The following TRPC7 variants were observed in gnomAD, a reference collection of about 807,000 sequenced individuals.
TRPC7 encodes the protein transient receptor potential cation channel subfamily C member 7.
Under a neutral mutation model 90.1 loss-of-function variants are expected in TRPC7, and 42 were observed. The observed-to-expected ratio is 0.47, with a 90% confidence interval of 0.36 to 0.60. TRPC7 has a LOEUF of 0.60. TRPC7 is among the 20% of genes least tolerant of loss of function. The pLI is 0.00. For missense variants in TRPC7, 955 were observed against 1,112.3 expected (o/e 0.86, Z 2.01); for synonymous variants, 451 against 436.3 (o/e 1.03, Z -0.42).
intron 2 of TRPC7, among the ~76,000 whole-genome samples, chr5:136,326,345 C>T (rs779792200): frequency 1.3e-5 from 2 of 152,190 alleles, no homozygotes; most frequent in Non-Finnish European, 2.9e-5. Flanking sequence ...TATAGAATCA[C>T]ATATGGTTTA....
intron 7 of TRPC7, among the ~76,000 whole-genome samples, chr5:136,233,755 G>A (rs541858277): frequency 6.6e-6 from 1 of 152,284 alleles, no homozygotes; most frequent in African/African-American, 2.4e-5. Flanking sequence ...AGAAACCTTT[G>A]GCTGACACAA....
At chr5:136,297,998 A>C (rs536893625) in intron 3 of TRPC7, among the ~76,000 whole-genome samples, 1 of 152,320 alleles carries the variant, frequency 6.6e-6, no homozygotes, top group Admixed American at 6.5e-5. Flanking sequence ...ACTTATTCAG[A>C]AAATATTTTT....
chr5:136,306,719 C>T (rs1266065734), intron 3 of TRPC7, among the ~76,000 whole-genome samples: 1 of 152,136 alleles, frequency 6.6e-6, no homozygotes, highest in East Asian at 1.9e-4. Context: ...CCCACCCTAA[C>T]TGATCAATGT....
chr5:136,251,967 C>G, intron 5 of TRPC7, 85 bp from the exon 6 acceptor site: 2 of 1,079,252 alleles, frequency 1.9e-6, no homozygotes, highest in Non-Finnish European at 2.8e-6. Context: ...AACCAGAGTA[C>G]AAATGTAAAT....
At chr5:136,213,776 C>T (rs1056819661) in intron 11 of TRPC7, among the ~76,000 whole-genome samples, 172 bp from the exon 12 acceptor site, 3 of 152,140 alleles carry the variant, frequency 2.0e-5, no homozygotes, top group Admixed American at 6.5e-5. Context: ...CCACCCAGCT[C>T]CCCCACCACT....
intron 3 of TRPC7, among the ~76,000 whole-genome samples, chr5:136,291,842 CT>C (rs1328197678): frequency 6.6e-6 from 1 of 152,164 alleles, no homozygotes; most frequent in Non-Finnish European, 1.5e-5. Flanking sequence ...AATATACATT[CT>C]TTTCAGCACC....
At chr5:136,249,865 G>C (rs1756463858) in intron 6 of TRPC7, among the ~76,000 whole-genome samples, 1 of 152,184 alleles carries the variant, frequency 6.6e-6, no homozygotes, top group African/African-American at 2.4e-5. Flanking sequence ...CCACAAGAGG[G>C]CTCTCCTGCC....
intron 5 of TRPC7, among the ~76,000 whole-genome samples, chr5:136,264,022 A>G (rs935419927): frequency 2.6e-5 from 4 of 152,240 alleles, no homozygotes; most frequent in Admixed American, 1.3e-4. Flanking sequence ...GGAAAGAAAA[A>G]GTAATTAGAA....
At chr5:136,217,962 C>T (rs900079280) in intron 10 of TRPC7, among the ~76,000 whole-genome samples, 32 of 147,240 alleles carry the variant, frequency 2.2e-4, no homozygotes, top group African/African-American at 8.0e-4. Context: ...AGGTTGCAGT[C>T]AGCCAAGATC....
At chr5:136,273,468 C>T (rs6897522) in intron 4 of TRPC7, among the ~76,000 whole-genome samples, 3,534 of 152,252 alleles carry the variant, frequency 0.023, 150 homozygotes, top group African/African-American at 0.081. Context: ...GGCTTCCATT[C>T]TTAATACTAC....
intron 2 of TRPC7, among the ~76,000 whole-genome samples, chr5:136,324,409 G>T (rs1442914280): frequency 6.6e-6 from 1 of 152,122 alleles, no homozygotes. Flanking sequence ...ATGGCTCAGA[G>T]CTTTTTATGT....
intron 1 of TRPC7, among the ~76,000 whole-genome samples, chr5:136,360,332 A>G (rs529585690): frequency 6.6e-6 from 1 of 152,362 alleles, no homozygotes; most frequent in African/African-American, 2.4e-5. Flanking sequence ...AAGTATTAGC[A>G]TTCTCATCTT....
Position 136,251,761 on chromosome 5 carries a change from G to C in TRPC7, c.1467C>G (p.Arg489=). ...CCGTGGCCTTCAGGAAGGCCATGAA[G>C]CGTGCTGTGAAGGAGGCCACGAAGA... is the stretch of plus-strand genomic sequence containing the variant. ...LSIFVASFTA[R]FMAFLKATEA... Residue 489 remains arginine, a synonymous_variant, in exon 6 of 12, where the codon CGC becomes CGG. Coordinates refer to ENST00000513104, the MANE Select transcript of TRPC7 (RefSeq NM_020389.3). 1 of 1,613,986 alleles carries C rather than the reference G, an allele frequency of 6.2e-7. No individual in the cohort carries two copies. The highest frequency in any genetic ancestry group is 8.5e-7 in the Non-Finnish European group (1 of 1,179,884).
chr5:136,362,925 C>A (rs997560116), intron 1 of TRPC7, among the ~76,000 whole-genome samples: 2 of 152,086 alleles, frequency 1.3e-5, no homozygotes, highest in African/African-American at 4.8e-5. Flanking sequence ...TAATTCATTC[C>A]TAAATATTTG....
At chr5:136,350,558 T>C (rs952768919) in intron 2 of TRPC7, among the ~76,000 whole-genome samples, 1 of 152,240 alleles carries the variant, frequency 6.6e-6, no homozygotes, top group Non-Finnish European at 1.5e-5. Flanking sequence ...GACTCATTAA[T>C]GAATGGTCTG....
At chr5:136,288,233 T>C (rs898970631) in intron 3 of TRPC7, among the ~76,000 whole-genome samples, 1 of 152,074 alleles carries the variant, frequency 6.6e-6, no homozygotes, top group Non-Finnish European at 1.5e-5. Context: ...GCAGTTAATA[T>C]GTGAGATATC....
At chr5:136,344,406 T>A (rs183479725) in intron 2 of TRPC7, among the ~76,000 whole-genome samples, 133 of 152,298 alleles carry the variant, frequency 8.7e-4, no homozygotes, top group African/African-American at 3.0e-3. Context: ...ACGTAATAAA[T>A]ATGCACATGT....
At chr5:136,290,447 G>T (rs1181347767) in intron 3 of TRPC7, among the ~76,000 whole-genome samples, 2 of 152,220 alleles carry the variant, frequency 1.3e-5, no homozygotes, top group African/African-American at 4.8e-5. Context: ...AGTCCTTAAA[G>T]GACCTGATGG....
intron 7 of TRPC7, among the ~76,000 whole-genome samples, chr5:136,235,061 G>A (rs1755942288): frequency 6.6e-6 from 1 of 152,164 alleles, no homozygotes; most frequent in African/African-American, 2.4e-5. Context: ...TGGGCTGGGG[G>A]AAGTTTCAGA....
Sources: allele counts gnomAD v4.1 joint callset (sites outside exome capture counted in the v4.1 genomes callset), GRCh38; gene constraint gnomAD v4.1.1; transcripts MANE v1.5; gene names NCBI Gene and HGNC (gene_info 2026-07-23, HGNC 2026-07-21).